ITPK1: variants seen among roughly 807,000 people sequenced by gnomAD.
ITPK1 encodes inositol-tetrakisphosphate 1-kinase, also known as inositol 1,3,4-trisphosphate 5/6-kinase.
ITPK1 carries 21 observed loss-of-function variants against 45.3 expected under a neutral mutation model. That is an observed-to-expected ratio of 0.46 (90% CI 0.33 to 0.67). The LOEUF is 0.67. ITPK1 is among the 30% of genes least tolerant of loss of function. The pLI is 0.02. For synonymous variants in ITPK1, 258 were observed against 253.6 expected (o/e 1.02, Z -0.16); for missense variants, 474 against 573.5 (o/e 0.83, Z 1.77).
chr14:92,937,745 G>A lies in ITPK1; in HGVS notation c.*3816C>T, dbSNP rs1007034253. ...GGGCGGGGCAGATGACTGTGGCATC[G>A]GGGTGTGGCCAGGCTGGCCTGAGGC... On this transcript the variant is annotated 3_prime_UTR_variant, in exon 11 of 11. Coordinates refer to ENST00000267615, the MANE Select transcript of ITPK1 (RefSeq NM_014216.6). 4.6e-5 allele frequency: 7 copies of A among 152,622 alleles called. No individual in the cohort carries two copies. The highest frequency in any genetic ancestry group is 2.1e-4 in the South Asian group (1 of 4,848). The allele number at this position is 152,622 out of a possible 1,614,324, so 9.5% of individuals were successfully genotyped here. A position where few individuals can be genotyped will look rare whatever the true frequency, so the allele number is the denominator to read the frequency against.
At chr14:93,094,077 AT>A (rs1891971428) in intron 2 of ITPK1, among the ~76,000 whole-genome samples, 1 of 152,186 alleles carries the variant, frequency 6.6e-6, no homozygotes, top group Non-Finnish European at 1.5e-5. Context: ...GTCTGGGGGC[AT>A]CCCAGCTCTT....
intron 3 of ITPK1, among the ~76,000 whole-genome samples, chr14:93,037,565 C>A (rs370919872): frequency 1.1e-4 from 16 of 152,126 alleles, no homozygotes; most frequent in East Asian, 7.7e-4. Flanking sequence ...CACTTCACAA[C>A]GGGAGTCCAA....
At chr14:93,037,943 T>C (rs1889389364) in intron 3 of ITPK1, among the ~76,000 whole-genome samples, 1 of 152,250 alleles carries the variant, frequency 6.6e-6, no homozygotes. Context: ...AACGTACTCC[T>C]CCAAGTTTTT....
chr14:93,107,703 C>T (rs1190290775), intron 2 of ITPK1, among the ~76,000 whole-genome samples: 2 of 152,188 alleles, frequency 1.3e-5, no homozygotes, highest in Non-Finnish European at 2.9e-5. Context: ...ATTCTTGACG[C>T]TCCACGGCTC....
Position 92,941,254 on chromosome 14 carries a change from C to T in ITPK1, c.*307G>A, listed in dbSNP as rs569425567. Reference sequence around the variant, plus strand: ...CACAGACACTGGCATGGCAGCCATACGCACACCCCTCACCTCCCATCCAGA... The same window carrying T: ...CACAGACACTGGCATGGCAGCCATATGCACACCCCTCACCTCCCATCCAGA... On this transcript the variant is annotated 3_prime_UTR_variant, in exon 11 of 11. Coordinates refer to ENST00000267615, the MANE Select transcript of ITPK1 (RefSeq NM_014216.6). The T allele has an allele frequency of 5.9e-4, 805 of 1,356,920 alleles. 2 individuals carry two copies. Among genetic ancestry groups the T allele is most frequent in the African/African-American group, 1.3e-3 (87 of 67,538 alleles). The allele number at this position is 1,356,920 out of a possible 1,614,324, so 84.1% of individuals were successfully genotyped here. A position where few individuals can be genotyped will look rare whatever the true frequency, so the allele number is the denominator to read the frequency against.
chr14:93,037,793 C>T (rs1011955283), intron 3 of ITPK1, among the ~76,000 whole-genome samples: 10 of 152,186 alleles, frequency 6.6e-5, no homozygotes, highest in African/African-American at 2.4e-4. Flanking sequence ...TAAAGTAATA[C>T]AGCTTTTCAA....
Position 93,040,809 on chromosome 14 carries a change from A to C in ITPK1, c.121-24008T>G, listed in dbSNP as rs77970601. ...GGGGCCGTATGCAGCTGTAGGAAAC[A>C]GCCAAGCTTGGGAGGCAGGAGAACT... On this transcript the variant is annotated intron_variant, in intron 3 of 10. Transcript: ENST00000267615. Among the ~76,000 whole-genome samples, 1,292 of 152,212 alleles carry C rather than the reference A, an allele frequency of 8.5e-3. 17 individuals are homozygous for C. The highest frequency in any genetic ancestry group is 0.03 in the Admixed American group (453 of 15,294).
intron 5 of ITPK1, among the ~76,000 whole-genome samples, chr14:92,992,125 C>T (rs1314911289): frequency 6.6e-6 from 1 of 152,204 alleles, no homozygotes; most frequent in Non-Finnish European, 1.5e-5. Flanking sequence ...GAATCCCACC[C>T]AAACCCATCA....
chr14:92,941,447 A>T lies in ITPK1; in HGVS notation c.*114T>A. On this transcript the variant is annotated 3_prime_UTR_variant, in exon 11 of 11. Transcript: ENST00000267615. Reference sequence around the variant, plus strand: ...CAGAGAATCAGGTTAAAAATTAAAAAACAGAAGAATCAGATCACTGGGGAT... The same window carrying T: ...CAGAGAATCAGGTTAAAAATTAAAATACAGAAGAATCAGATCACTGGGGAT... 7.0e-7 allele frequency: 1 copy of T among 1,422,810 alleles called. No homozygotes were observed. Among genetic ancestry groups the T allele is most frequent in the Non-Finnish European group, 9.1e-7 (1 of 1,095,572 alleles). 88.1% of individuals were successfully genotyped at this position (1,422,810 alleles called of 1,614,324 possible). A position where few individuals can be genotyped will look rare whatever the true frequency, so the allele number is the denominator to read the frequency against.
intron 2 of ITPK1, among the ~76,000 whole-genome samples, chr14:93,079,782 G>A (rs1164979131): frequency 6.6e-6 from 1 of 152,212 alleles, no homozygotes; most frequent in Non-Finnish European, 1.5e-5. Context: ...GAAATTGAAT[G>A]ATGAAGCCAA....
rs769586779 is a variant in ITPK1 at position 93,076,573 on chromosome 14, C to A, written c.120+22G>T. 3.7e-6 allele frequency: 6 copies of A among 1,613,952 alleles called. No individual in the cohort carries two copies. The Admixed American group carries it at 1.0e-4, about 27-fold the overall frequency. Reference sequence around the variant, plus strand: ...AAGGGCCCCACTACCCAAAGAACCACGGGGACGCGGTCTGTACTCACCTGC... The same window carrying A: ...AAGGGCCCCACTACCCAAAGAACCAAGGGGACGCGGTCTGTACTCACCTGC... On this transcript the variant is annotated intron_variant, in intron 3 of 10. Transcript: ENST00000267615. The surrounding 1 kb of genome is among the most constrained non-coding windows in gnomAD (Gnocchi z 4.3).
rs921522422 is a variant in ITPK1 at position 92,939,598 on chromosome 14, C to T, written c.*1963G>A. On this transcript the variant is annotated 3_prime_UTR_variant, in exon 11 of 11. Transcript: ENST00000267615. ...CCCTGCACACCCACAGCCCCGCCCCCGCCCCACCACGGAGGCCTATGGACG... is the reference window on the plus strand; with the variant it reads ...CCCTGCACACCCACAGCCCCGCCCCTGCCCCACCACGGAGGCCTATGGACG... 6.2e-6 allele frequency: 5 copies of T among 800,906 alleles called. No homozygotes were observed. The highest frequency in any genetic ancestry group is 6.2e-5 in the Admixed American group (1 of 16,022). 49.6% of individuals were successfully genotyped at this position (800,906 alleles called of 1,614,324 possible). A position where few individuals can be genotyped will look rare whatever the true frequency, so the allele number is the denominator to read the frequency against.
intron 5 of ITPK1, among the ~76,000 whole-genome samples, chr14:92,989,247 A>C (rs1395037929): frequency 6.6e-6 from 1 of 152,208 alleles, no homozygotes; most frequent in Non-Finnish European, 1.5e-5. Flanking sequence ...GAAGCATTCA[A>C]TCTGCGGTAT....
chr14:92,970,530 G>A (rs1885593598), intron 5 of ITPK1, among the ~76,000 whole-genome samples: 1 of 152,230 alleles, frequency 6.6e-6, no homozygotes, highest in Non-Finnish European at 1.5e-5. Context: ...CGGTTCCTAG[G>A]GGCCCATATT....
chr14:93,028,157 A>AGTGG (rs1292894929), intron 3 of ITPK1, among the ~76,000 whole-genome samples: 1 of 152,234 alleles, frequency 6.6e-6, no homozygotes, highest in African/African-American at 2.4e-5. Flanking sequence ...GAGCAGACGT[A>AGTGG]GTGGGTGCTT....
At chr14:93,045,896 C>T (rs1419814687) in intron 3 of ITPK1, among the ~76,000 whole-genome samples, 1 of 152,174 alleles carries the variant, frequency 6.6e-6, no homozygotes, top group African/African-American at 2.4e-5. Context: ...AACCTTCAAT[C>T]GCTCCCCAGT....
At chr14:93,040,790 G>A (rs542687023) in intron 3 of ITPK1, among the ~76,000 whole-genome samples, 11 of 152,194 alleles carry the variant, frequency 7.2e-5, no homozygotes, top group Middle Eastern at 3.4e-3. Context: ...GGGTGGGGCC[G>A]TATGCAGCTG....
chr14:93,006,242 G>A (rs1160470335), intron 4 of ITPK1, among the ~76,000 whole-genome samples: 1 of 152,230 alleles, frequency 6.6e-6, no homozygotes, highest in Non-Finnish European at 1.5e-5. Flanking sequence ...AAGGGGTAGG[G>A]GAAACGCTGG....
chr14:93,074,192 T>C (rs1891127502), intron 3 of ITPK1, among the ~76,000 whole-genome samples: 1 of 152,228 alleles, frequency 6.6e-6, no homozygotes, highest in Non-Finnish European at 1.5e-5. Flanking sequence ...TATTTTTAGA[T>C]GCTGAAGTGT....
Sources: gnomAD v4.1 joint callset for allele counts (sites outside exome capture counted in the v4.1 genomes callset) on GRCh38, gnomAD v4.1.1 for gene constraint, Gnocchi (gnomAD v3.1) non-coding constraint, MANE v1.5 for transcripts, NCBI Gene and HGNC (gene_info 2026-07-23, HGNC 2026-07-21) for gene names.